AHCY: variants seen among roughly 807,000 people sequenced by gnomAD.
AHCY encodes the protein adenosylhomocysteinase.
In AHCY, 24 loss-of-function variants were observed where a neutral mutation model predicts 45.4. The ratio of observed to expected loss-of-function variants is 0.53; its 90% CI spans 0.38 to 0.74. AHCY has a LOEUF of 0.74. Ranked by LOEUF, AHCY falls within the 30% of genes least tolerant of loss-of-function variation. AHCY has a pLI of 0.00. For synonymous variants in AHCY, 245 were observed against 235.1 expected (o/e 1.04, Z -0.39); for missense variants, 449 against 594.1 (o/e 0.76, Z 2.54).
chr20:34,236,310 C>A, the AHCY span, among the ~76,000 whole-genome samples: 4 of 151,866 alleles, frequency 2.6e-5, no homozygotes, highest in Admixed American at 6.6e-5. Context: ...GAGGCCGAAG[C>A]GGGCAGATCA....
At chr20:34,295,289 G>T in intron 2 of AHCY, 106 bp downstream of exon 2, 2 of 1,378,276 alleles carry the variant, frequency 1.5e-6, no homozygotes, top group East Asian at 2.5e-5. Context: ...CCAGGCCCGC[G>T]GTCAGCTCCA....
At chr20:34,294,191 T>C in intron 2 of AHCY, 35 bp from the exon 3 acceptor site, 3 of 1,601,588 alleles carry the variant, frequency 1.9e-6, no homozygotes, top group Non-Finnish European at 2.6e-6. Context: ...TGTTGGTCAC[T>C]GATGGCTCAA....
the AHCY span, chr20:34,269,076 C>T: frequency 1.9e-6 from 3 of 1,576,920 alleles, no homozygotes; most frequent in South Asian, 3.5e-5. Flanking sequence ...TGCAAGCCGC[C>T]GGCACCCGCC....
the AHCY span, among the ~76,000 whole-genome samples, chr20:34,234,073 C>T: frequency 2.0e-5 from 3 of 152,184 alleles, no homozygotes; most frequent in African/African-American, 7.2e-5. Context: ...ATGATGGTGT[C>T]ACCATGTCCA....
intron 8 of AHCY, among the ~76,000 whole-genome samples, chr20:34,289,916 C>T (rs777886324): frequency 8.5e-5 from 13 of 152,120 alleles, no homozygotes; most frequent in African/African-American, 9.7e-5. Context: ...CCACCATGCC[C>T]GGCCAAAGCT....
chr20:34,301,853 C>G, intron 1 of AHCY: 1 of 985,456 alleles, frequency 1.0e-6, no homozygotes, highest in Non-Finnish European at 1.2e-6. Flanking sequence ...CAAGTCACCT[C>G]CCAAGGGCCT....
the AHCY span, among the ~76,000 whole-genome samples, chr20:34,266,311 C>T: frequency 6.6e-6 from 1 of 151,236 alleles, no homozygotes; most frequent in Non-Finnish European, 1.5e-5. Context: ...GACCGTGCCA[C>T]TACACTCCAG....
the AHCY span, among the ~76,000 whole-genome samples, chr20:34,252,487 A>G: frequency 6.6e-6 from 1 of 152,182 alleles, no homozygotes; most frequent in South Asian, 2.1e-4. Context: ...AGAGTAACAG[A>G]GCAGTATTGT....
chr20:34,262,502 A>C, the AHCY span, among the ~76,000 whole-genome samples: 1 of 152,212 alleles, frequency 6.6e-6, no homozygotes, highest in African/African-American at 2.4e-5. Flanking sequence ...AGATGAAGGA[A>C]GGGGCACCTG....
chr20:34,240,045 G>A, the AHCY span, among the ~76,000 whole-genome samples: 1 of 152,210 alleles, frequency 6.6e-6, no homozygotes, highest in Non-Finnish European at 1.5e-5. Flanking sequence ...GTGGTCTTCA[G>A]TGTGTCTGAG....
At chr20:34,275,287 C>T (rs745433369), downstream of AHCY, among the ~76,000 whole-genome samples, 57 of 152,070 alleles carry the variant, frequency 3.7e-4, no homozygotes, top group Non-Finnish European at 6.6e-4. Flanking sequence ...TGTGCTCCAC[C>T]ATGCCAGGCT....
chr20:34,248,594 G>A, the AHCY span, among the ~76,000 whole-genome samples: 21 of 151,894 alleles, frequency 1.4e-4, no homozygotes, highest in Admixed American at 2.6e-4. Flanking sequence ...CTTGAGCCCA[G>A]GAGTTTGAGA....
chr20:34,259,532 A>G, the AHCY span, among the ~76,000 whole-genome samples: 1 of 152,008 alleles, frequency 6.6e-6, no homozygotes, highest in Non-Finnish European at 1.5e-5. Context: ...AAAAAGAGTT[A>G]GAAAATATAA....
the AHCY span, among the ~76,000 whole-genome samples, chr20:34,232,206 ACAG>A: frequency 1.3e-5 from 2 of 152,242 alleles, no homozygotes; most frequent in Non-Finnish European, 2.9e-5. Context: ...ATATTACTTC[ACAG>A]CTCAAAGTTG....
intron 1 of AHCY, among the ~76,000 whole-genome samples, chr20:34,299,133 T>G (rs1354108109): frequency 6.6e-6 from 1 of 152,054 alleles, no homozygotes; most frequent in East Asian, 1.9e-4. Context: ...GTATCTTTAT[T>G]TCTACACTCT....
the AHCY span, among the ~76,000 whole-genome samples, chr20:34,268,635 T>C: frequency 0.28 from 42,291 of 148,696 alleles, 10,429 homozygotes; most frequent in African/African-American, 0.67. Flanking sequence ...ACTTGGGAGG[T>C]TGAAGTGGCA....
chr20:34,241,026 C>A, the AHCY span, among the ~76,000 whole-genome samples: 1 of 152,170 alleles, frequency 6.6e-6, no homozygotes, highest in Non-Finnish European at 1.5e-5. Context: ...CACGCCTTGC[C>A]TCTGCTATCC....
intron 2 of AHCY, 170 bp downstream of exon 2, chr20:34,295,225 A>C (rs1214082207): frequency 4.8e-6 from 4 of 834,228 alleles, no homozygotes; most frequent in Middle Eastern, 2.2e-4. Flanking sequence ...CACTCACCAC[A>C]AGGGGTGGCA....
the AHCY span, among the ~76,000 whole-genome samples, chr20:34,254,833 T>C: frequency 5.3e-4 from 81 of 152,292 alleles, no homozygotes; most frequent in African/African-American, 1.8e-3. Context: ...CCCTCCAGAA[T>C]TGAGGTAAGG....
Sources: gnomAD v4.1 joint callset for allele counts (sites outside exome capture counted in the v4.1 genomes callset) on GRCh38, gnomAD v4.1.1 for gene constraint, MANE v1.5 for transcripts, NCBI Gene and HGNC (gene_info 2026-07-23, HGNC 2026-07-21) for gene names.